Variants in NRG1 observed in about 807,000 individuals in gnomAD.
NRG1 encodes neuregulin 1, also known as pro-neuregulin-1, membrane-bound isoform.
Under a neutral mutation model 63.8 loss-of-function variants are expected in NRG1, and 18 were observed. The ratio of observed to expected loss-of-function variants is 0.28; its 90% confidence interval spans 0.19 to 0.42. The LOEUF is 0.42. Among genes scored for constraint, NRG1 ranks in the 10% least tolerant of loss-of-function variants. The pLI is 1.00. For synonymous variants in NRG1, 302 were observed against 301.3 expected (o/e 1.00, Z -0.02); for missense variants, 762 against 814.7 (o/e 0.94, Z 0.79).
At chr8:31,706,245 A>G (rs910662409) in intron 1 of NRG1, among the ~76,000 whole-genome samples, 2 of 152,130 alleles carry the variant, frequency 1.3e-5, no homozygotes, top group African/African-American at 4.8e-5. Flanking sequence ...TTCTGCATAT[A>G]CAAACCTAAA....
intron 1 of NRG1, among the ~76,000 whole-genome samples, chr8:31,729,616 A>G (rs936433870): frequency 2.6e-5 from 4 of 152,162 alleles, no homozygotes; most frequent in Admixed American, 1.3e-4. Context: ...CAGAAAAAAA[A>G]TTCTGAAGAG....
chr8:32,102,289 C>T (rs898424656), intron 1 of NRG1, among the ~76,000 whole-genome samples: 1 of 152,094 alleles, frequency 6.6e-6, no homozygotes, highest in African/African-American at 2.4e-5. Context: ...AGGCGTGTGC[C>T]ACCACATCTG....
chr8:31,983,959 T>C (rs1034501515), intron 1 of NRG1, among the ~76,000 whole-genome samples: 3 of 152,114 alleles, frequency 2.0e-5, no homozygotes, highest in African/African-American at 7.2e-5. Flanking sequence ...ACAAGGTAAA[T>C]CACCTTTTGA....
intron 1 of NRG1, among the ~76,000 whole-genome samples, chr8:32,118,372 T>G (rs1316149890): frequency 6.6e-6 from 1 of 152,028 alleles, no homozygotes; most frequent in African/African-American, 2.4e-5. Flanking sequence ...CTCTCTTGCT[T>G]CCTCTCTCTC....
chr8:31,748,209 A>G (rs1185537062), intron 1 of NRG1, among the ~76,000 whole-genome samples: 2 of 151,990 alleles, frequency 1.3e-5, no homozygotes, highest in Non-Finnish European at 2.9e-5. Context: ...GTTTTTCTCC[A>G]AACTTATTTA....
chr8:32,569,369 G>A (rs1464429789), intron 1 of NRG1, among the ~76,000 whole-genome samples: 4 of 152,142 alleles, frequency 2.6e-5, no homozygotes, highest in Non-Finnish European at 4.4e-5. Flanking sequence ...GATTCTTGAA[G>A]TGTGTGTGCT....
chr8:31,772,219 T>C (rs906150051), intron 1 of NRG1, among the ~76,000 whole-genome samples: 1 of 152,208 alleles, frequency 6.6e-6, no homozygotes, highest in South Asian at 2.1e-4. Context: ...AACTTTTGTC[T>C]TCTTTAAATG....
chr8:31,945,607 T>TTCCA (rs138941797), intron 1 of NRG1, among the ~76,000 whole-genome samples: 3,597 of 152,312 alleles, frequency 0.024, 149 homozygotes, highest in African/African-American at 0.082. Context: ...AAAATAAGAC[T>TTCCA]TCCACTAGGA....
At chr8:32,059,322 A>C (rs1235946326) in intron 1 of NRG1, among the ~76,000 whole-genome samples, 11 of 151,162 alleles carry the variant, frequency 7.3e-5, no homozygotes, top group African/African-American at 2.7e-4. Flanking sequence ...CTTTCTCCCT[A>C]CTCCACACTG....
At chr8:32,144,095 C>T (rs1836598078) in intron 1 of NRG1, among the ~76,000 whole-genome samples, 1 of 152,130 alleles carries the variant, frequency 6.6e-6, no homozygotes, top group Non-Finnish European at 1.5e-5. Flanking sequence ...CATCACAGGC[C>T]AATCGGCAGT....
At chr8:32,125,985 C>T (rs1362611873) in intron 1 of NRG1, among the ~76,000 whole-genome samples, 1 of 151,674 alleles carries the variant, frequency 6.6e-6, no homozygotes, top group Admixed American at 6.6e-5. Flanking sequence ...TCTATGCTTC[C>T]ATCATGACCT....
chr8:31,990,539 G>T (rs957596159), intron 1 of NRG1, among the ~76,000 whole-genome samples: 1 of 152,024 alleles, frequency 6.6e-6, no homozygotes, highest in Non-Finnish European at 1.5e-5. Flanking sequence ...TCACACTAAG[G>T]TGCAAAGAGT....
chr8:32,691,618 G>A (rs996389379), intron 5 of NRG1, among the ~76,000 whole-genome samples: 4 of 152,126 alleles, frequency 2.6e-5, no homozygotes, highest in African/African-American at 7.2e-5. Context: ...GTGACACATT[G>A]AGCAATTTTT....
At chr8:32,410,965 T>G (rs752419880) in intron 1 of NRG1, among the ~76,000 whole-genome samples, 1 of 150,908 alleles carries the variant, frequency 6.6e-6, no homozygotes, top group Non-Finnish European at 1.5e-5. Flanking sequence ...AACCTCCACC[T>G]CCTGGGTTCA....
At chr8:32,048,094 A>C (rs1821303423) in intron 1 of NRG1, among the ~76,000 whole-genome samples, 2 of 151,850 alleles carry the variant, frequency 1.3e-5, no homozygotes, top group South Asian at 4.1e-4. Context: ...TCTTTATTAC[A>C]GTTGAATAGT....
In NRG1 at chr8:32,196,511, C is replaced by T. The variant is rs539394430; in HGVS notation, c.38-399317C>T. Among the ~76,000 whole-genome samples, 26 of 152,318 alleles carry T rather than the reference C, an allele frequency of 1.7e-4. No individual in the cohort carries two copies. In the East Asian group the frequency reaches 4.2e-3, roughly 25 times the overall value. On this transcript the variant is annotated intron_variant, in intron 1 of 10. Coordinates refer to the NRG1 transcript ENST00000519301. ...AATAAACTAGGATGAGAAGACAAGA[C>T]TGCCCAATTCACACAATGAATCCAG...
intron 1 of NRG1, among the ~76,000 whole-genome samples, chr8:32,196,856 G>GC (rs1423651996): frequency 7.0e-6 from 1 of 142,772 alleles, no homozygotes; most frequent in Non-Finnish European, 1.5e-5. Flanking sequence ...TTTTTTATAT[G>GC]TTTGCTCCCT....
At chr8:31,861,208 C>A (rs1165327822) in intron 1 of NRG1, among the ~76,000 whole-genome samples, 1 of 152,138 alleles carries the variant, frequency 6.6e-6, no homozygotes, top group Non-Finnish European at 1.5e-5. Context: ...GGGTCTCAAA[C>A]CTATACCTCT....
intron 5 of NRG1, among the ~76,000 whole-genome samples, chr8:32,693,345 A>G (rs966382665): frequency 2.6e-5 from 4 of 151,750 alleles, no homozygotes; most frequent in Non-Finnish European, 5.9e-5. Context: ...CAGCCTCCCA[A>G]GTAGCTGGGA....
Sources: allele counts gnomAD v4.1 joint callset (sites outside exome capture counted in the v4.1 genomes callset), GRCh38; gene constraint gnomAD v4.1.1; transcripts MANE v1.5; gene names NCBI Gene and HGNC (gene_info 2026-07-23, HGNC 2026-07-21).